Variants in PARD3B observed in about 807,000 individuals in gnomAD.
PARD3B encodes partitioning defective 3 homolog B.
A neutral mutation model predicts 130.2 loss-of-function variants in PARD3B; 103 were observed. The ratio of observed to expected loss-of-function variants is 0.79; its 90% CI spans 0.67 to 0.93. The LOEUF is 0.93. Ranked by LOEUF, PARD3B falls within the 40% of genes least tolerant of loss-of-function variation. The pLI, the probability that PARD3B is intolerant of heterozygous loss-of-function variation, is 0.00. For missense variants in PARD3B, 1,609 were observed against 1,499.2 expected (o/e 1.07, Z -1.21); for synonymous variants, 583 against 553.2 (o/e 1.05, Z -0.76).
In PARD3B at chr2:205,343,931, T is replaced by C. The variant is rs181442581; in HGVS notation, c.2630+42230T>C. On this transcript the variant is annotated intron_variant, in intron 18 of 22. Transcript: ENST00000406610. ...CTATGTACATGGAAGAAAACGGAAA[T>C]TGAAGTTGCCAGCCATGAACTTTCT... Among the ~76,000 whole-genome samples, 233 of 152,292 alleles carry C rather than the reference T, an allele frequency of 1.5e-3. 1 individual carries two copies. Among genetic ancestry groups the C allele is most frequent in the Non-Finnish European group, 1.7e-3 (115 of 68,018 alleles).
At chr2:205,519,408 T>C (rs12615194) in intron 21 of PARD3B, among the ~76,000 whole-genome samples, 64,701 of 152,072 alleles carry the variant, frequency 0.43, 14,195 homozygotes, top group Admixed American at 0.51. Flanking sequence ...TCTTGTATTG[T>C]GTTATTCAGC....
At chr2:205,489,522 TACACAC>T in intron 20 of PARD3B, among the ~76,000 whole-genome samples, 1 of 126,416 alleles carries the variant, frequency 7.9e-6, no homozygotes, top group South Asian at 2.5e-4. Flanking sequence ...TATATATATA[TACACAC>T]ATATATATGG....
At chr2:205,502,425 G>C (rs1158953851) in intron 21 of PARD3B, among the ~76,000 whole-genome samples, 2 of 152,132 alleles carry the variant, frequency 1.3e-5, no homozygotes, top group Non-Finnish European at 2.9e-5. Flanking sequence ...GCGCCACGTG[G>C]TCATCAAGGA....
chr2:204,565,629 T>A (rs1247807930), intron 1 of PARD3B, among the ~76,000 whole-genome samples: 1 of 152,256 alleles, frequency 6.6e-6, no homozygotes, highest in Non-Finnish European at 1.5e-5. Flanking sequence ...TAAAAATTTT[T>A]AATTTTTGGA....
intron 1 of PARD3B, among the ~76,000 whole-genome samples, chr2:204,573,381 A>T (rs2032097529): frequency 6.6e-6 from 1 of 152,170 alleles, no homozygotes; most frequent in Non-Finnish European, 1.5e-5. Flanking sequence ...GCGTGACCTC[A>T]TCTGATGCCT....
At chr2:205,296,888 A>T (rs557969334) in intron 16 of PARD3B, among the ~76,000 whole-genome samples, 142 of 151,198 alleles carry the variant, frequency 9.4e-4, no homozygotes, top group Admixed American at 1.2e-3. Flanking sequence ...AAAAAAAAAA[A>T]ATATGTGGCA....
intron 18 of PARD3B, among the ~76,000 whole-genome samples, chr2:205,336,937 G>A (rs2043333755): frequency 6.7e-6 from 1 of 148,886 alleles, no homozygotes. Flanking sequence ...TCTTTCCTTA[G>A]TGGAACATCT....
chr2:205,094,344 G>C (rs1702280831), intron 4 of PARD3B, among the ~76,000 whole-genome samples: 1 of 152,124 alleles, frequency 6.6e-6, no homozygotes, highest in Non-Finnish European at 1.5e-5. Flanking sequence ...GTTTGAGTCT[G>C]GGTGAGAAGA....
chr2:205,380,549 A>T (rs1408002141), intron 18 of PARD3B, among the ~76,000 whole-genome samples: 6 of 26 alleles, frequency 0.23, no homozygotes, highest in African/African-American at 0.36. Flanking sequence ...ATATATAAAG[A>T]ATATATATTA....
At chr2:204,583,889 C>T (rs1208772064) in intron 1 of PARD3B, among the ~76,000 whole-genome samples, 2 of 152,240 alleles carry the variant, frequency 1.3e-5, no homozygotes, top group African/African-American at 4.8e-5. Flanking sequence ...TCTTGGTGCA[C>T]ACATTTTCAG....
At chr2:205,001,865 T>C (rs942677766) in intron 3 of PARD3B, among the ~76,000 whole-genome samples, 10 of 152,198 alleles carry the variant, frequency 6.6e-5, no homozygotes, top group African/African-American at 2.4e-4. Context: ...AGAAGCTTTT[T>C]AGTGTTGAGG....
At chr2:205,275,588 C>A (rs553798294) in intron 16 of PARD3B, among the ~76,000 whole-genome samples, 2 of 151,754 alleles carry the variant, frequency 1.3e-5, no homozygotes, top group South Asian at 4.2e-4. Flanking sequence ...ACCTGTAATC[C>A]CATTTGAGAG....
At chr2:205,174,076 A>G (rs946550616) in intron 12 of PARD3B, among the ~76,000 whole-genome samples, 15 of 152,238 alleles carry the variant, frequency 9.9e-5, no homozygotes, top group Non-Finnish European at 1.8e-4. Context: ...GTTCTAAAAG[A>G]GTTAGTAGAT....
In PARD3B at chr2:205,440,497, AACC is replaced by A; in HGVS notation, c.2872_2874del (p.His958del). 2 of 1,614,102 alleles carry A rather than the reference AACC, an allele frequency of 1.2e-6. No homozygotes were observed. Among genetic ancestry groups the A allele is most frequent in the Non-Finnish European group, 1.7e-6 (2 of 1,179,992 alleles). On this transcript the variant is annotated inframe_deletion, in exon 20 of 23. Transcript: ENST00000406610. The surrounding 1 kb of genome is among the most constrained non-coding windows in gnomAD (Gnocchi z 4.2). ...AATGGACCCCAATTATGCCAGAGTG[AACC>A]ACTTTCGGGAACCATGCACATCAGC...
intron 16 of PARD3B, among the ~76,000 whole-genome samples, chr2:205,283,430 G>A (rs529470939): frequency 1.2e-4 from 18 of 152,250 alleles, no homozygotes; most frequent in African/African-American, 3.4e-4. Context: ...GACCACAGGC[G>A]TGCATAACCA....
At chr2:204,830,061 G>A (rs555270636) in intron 2 of PARD3B, among the ~76,000 whole-genome samples, 16 of 148,698 alleles carry the variant, frequency 1.1e-4, no homozygotes, top group African/African-American at 3.7e-4. Context: ...TCTCTCTCCT[G>A]CCACCATGTG....
chr2:204,703,175 G>T (rs1199121019), intron 2 of PARD3B, among the ~76,000 whole-genome samples: 1 of 152,156 alleles, frequency 6.6e-6, no homozygotes, highest in Non-Finnish European at 1.5e-5. Flanking sequence ...TAAAGAGCCA[G>T]TACCTGATTA....
chr2:204,883,371 TTC>T (rs1314748563), intron 2 of PARD3B, among the ~76,000 whole-genome samples: 16 of 144,304 alleles, frequency 1.1e-4, no homozygotes, highest in Non-Finnish European at 6.0e-5. Context: ...TAACTATATT[TTC>T]TTTTTTTATT....
intron 1 of PARD3B, among the ~76,000 whole-genome samples, chr2:204,603,387 C>A (rs1440413421): frequency 2.0e-5 from 3 of 152,012 alleles, no homozygotes; most frequent in African/African-American, 7.2e-5. Flanking sequence ...TTCAGGAATC[C>A]TCATACAAAC....
Sources: gnomAD v4.1 joint callset for allele counts (sites outside exome capture counted in the v4.1 genomes callset) on GRCh38, gnomAD v4.1.1 for gene constraint, Gnocchi (gnomAD v3.1) non-coding constraint, MANE v1.5 for transcripts, NCBI Gene and HGNC (gene_info 2026-07-23, HGNC 2026-07-21) for gene names.